CEP164: variants seen among roughly 807,000 people sequenced by gnomAD.
CEP164 encodes centrosomal protein 164.
CEP164 carries 162 observed loss-of-function variants against 182.7 expected under a neutral mutation model. That is an observed-to-expected ratio of 0.89 (90% confidence interval 0.78 to 1.01). The LOEUF is 1.01. Ranked by LOEUF, CEP164 falls within the 50% of genes least tolerant of loss-of-function variation. The pLI is 0.00. For missense variants in CEP164, 1,735 were observed against 1,790.4 expected, an observed-to-expected ratio of 0.97 and a Z score of 0.56; for synonymous variants, 661 against 690.0, an observed-to-expected ratio of 0.96 and a Z score of 0.66.
At chr11:117,396,361 G>A (rs1314973353) in intron 25 of CEP164, among the ~76,000 whole-genome samples, 181 bp downstream of exon 25, 2 of 152,142 alleles carry the variant, frequency 1.3e-5, no homozygotes, top group Non-Finnish European at 2.9e-5. Context: ...TTCTCTATGG[G>A]ACCTGGTCTG....
intron 14 of CEP164, chr11:117,386,998 G>A: frequency 1.7e-6 from 1 of 578,986 alleles, no homozygotes; most frequent in East Asian, 2.9e-5. Flanking sequence ...AGGCTCTTGG[G>A]GCCTTAAACA....
chr11:117,382,983 C>T (rs760941597), intron 14 of CEP164, 41 bp downstream of exon 14: 16 of 1,591,364 alleles, frequency 1.0e-5, no homozygotes, highest in East Asian at 4.5e-5. Context: ...ACCTCCACTG[C>T]GTGTGGGCTG....
Position 117,387,380 on chromosome 11 carries a change from C to T in CEP164, c.1902C>T (p.Leu634=). ...GCCAAGAGGAGGAAGAGGAGATCCT[C>T]CGGCTTCACCAGCAGAAAGAGCAAT... ...KLCQEEEEEI[L]RLHQQKEQSL... is the part of the protein sequence containing the mutation. The change falls in exon 15 of 33, where the codon CTC becomes CTT. Residue 634 remains leucine, a synonymous_variant. Coordinates refer to ENST00000278935, the MANE Select transcript of CEP164 (RefSeq NM_014956.5). 1 of 1,614,134 alleles carries T rather than the reference C, an allele frequency of 6.2e-7. No individual in the cohort carries two copies. Among genetic ancestry groups the T allele is most frequent in the Non-Finnish European group, 8.5e-7 (1 of 1,180,024 alleles).
intron 5 of CEP164, chr11:117,356,253 A>G: frequency 9.1e-7 from 1 of 1,102,796 alleles, no homozygotes; most frequent in Non-Finnish European, 1.1e-6. Context: ...TTCTACCAGC[A>G]CATCCTGCAG....
chr11:117,348,263 C>T (rs1038809562), intron 4 of CEP164, among the ~76,000 whole-genome samples: 13 of 151,988 alleles, frequency 8.6e-5, no homozygotes, highest in African/African-American at 1.2e-4. Context: ...TGAGCCACAG[C>T]GCCCAGCCTA....
At chr11:117,395,314 C>A (rs2045293590) in intron 23 of CEP164, 123 bp downstream of exon 23, 8 of 1,235,716 alleles carry the variant, frequency 6.5e-6, no homozygotes, top group Non-Finnish European at 9.2e-6. Context: ...CTCTGTTGGC[C>A]AGTATTCCAC....
intron 5 of CEP164, 76 bp from the exon 6 acceptor site, chr11:117,361,754 GTTTTA>G (rs1186753889): frequency 1.4e-6 from 2 of 1,468,042 alleles, no homozygotes; most frequent in African/African-American, 2.8e-5. Flanking sequence ...GGATTTAGAT[GTTTTA>G]TTTTTATATC....
At position 117,408,914 on chromosome 11, in the gene CEP164, G is replaced by C. The variant is rs1214021967; in HGVS notation, c.3634G>C (p.Gly1212Arg). ...GGCCTCAGATGAGGGCACTCTGGGA[G>C]GATCCCCCACCAAGAAGGCAGTAAC... ...EEASDEGTLG[G>R]SPTKKAVTFD... The change falls in exon 29 of 33, where the codon GGA (glycine) becomes CGA (arginine). Residue 1212 changes from glycine (G) to arginine (R), a missense_variant. Gly to Arg is a moderately radical substitution (Grantham distance 125). Coordinates refer to ENST00000278935, the MANE Select transcript of CEP164 (RefSeq NM_014956.5). The C allele has an allele frequency of 1.9e-6, 3 of 1,614,054 alleles. No individual in the cohort carries two copies. Among genetic ancestry groups the C allele is most frequent in the Non-Finnish European group, 2.5e-6 (3 of 1,180,028 alleles).
intron 14 of CEP164, among the ~76,000 whole-genome samples, chr11:117,383,162 C>T (rs1437583851): frequency 2.6e-5 from 4 of 152,142 alleles, no homozygotes; most frequent in African/African-American, 7.2e-5. Context: ...TCTGGGGCTC[C>T]TGGTCAGGAC....
chr11:117,342,095 A>T (rs879811359), intron 3 of CEP164, among the ~76,000 whole-genome samples: 3 of 151,902 alleles, frequency 2.0e-5, no homozygotes, highest in Non-Finnish European at 2.9e-5. Flanking sequence ...TTTTTTGTAT[A>T]TTTATCTGTT....
chr11:117,342,107 A>G (rs2038212504), intron 3 of CEP164, among the ~76,000 whole-genome samples: 1 of 152,032 alleles, frequency 6.6e-6, no homozygotes, highest in African/African-American at 2.4e-5. Context: ...TTATCTGTTT[A>G]CTTCATTGCT....
At chr11:117,334,784 CAAAAA>C (rs5795074) in intron 1 of CEP164, among the ~76,000 whole-genome samples, 9 of 102,980 alleles carry the variant, frequency 8.7e-5, no homozygotes, top group East Asian at 2.6e-4. Context: ...GACTTCGTTT[CAAAAA>C]AAAAAAAAAA....
Position 117,361,853 on chromosome 11 carries a change from G to A in CEP164, c.412G>A (p.Ala138Thr), listed in dbSNP as rs908786819. The A allele has an allele frequency of 3.3e-5, 53 of 1,614,106 alleles. No individual in the cohort carries two copies. The highest frequency in any genetic ancestry group is 4.5e-5 in the Non-Finnish European group (53 of 1,180,048). The change falls in exon 6 of 33, where the codon GCC (alanine) becomes ACC (threonine). Residue 138 changes from alanine to threonine, a missense_variant. Physicochemically the swap from Ala to Thr is moderately conservative, Grantham distance 58. Coordinates refer to ENST00000278935, the MANE Select transcript of CEP164 (RefSeq NM_014956.5). ...KSSLALGSSL[A>T]PVHVPLGGLA... ...TGCACAGGCCTTGGGTTCCTCATTA[G>A]CCCCAGTTCATGTTCCTCTTGGGGG... is the stretch of plus-strand genomic sequence containing the variant.
chr11:117,348,094 C>T (rs545099133), intron 4 of CEP164, among the ~76,000 whole-genome samples: 6 of 152,040 alleles, frequency 3.9e-5, no homozygotes, highest in South Asian at 2.1e-4. Flanking sequence ...CTCAGCTTCC[C>T]GAGTAGCTGG....
chr11:117,404,156 A>C (rs1041238261), intron 27 of CEP164, among the ~76,000 whole-genome samples: 8 of 152,110 alleles, frequency 5.3e-5, no homozygotes, highest in African/African-American at 1.9e-4. Flanking sequence ...TATTTCTGTC[A>C]GTTCGTCAAA....
rs879384646 is a variant in CEP164, at chr11:117,388,932, A to AT, written c.1934+1533dup. ...AGGCGCCTGCCACCATGCCTGGCTA[A>AT]TTTTTTTTTTTTTATTTTTAGTAGA... is the stretch of plus-strand genomic sequence containing the variant. On this transcript the variant is annotated intron_variant, in intron 15 of 32. Transcript: ENST00000278935. 6.8e-3 allele frequency among the ~76,000 whole-genome samples: 990 copies of AT among 145,400 alleles called. 13 individuals are homozygous for AT. The highest frequency in any genetic ancestry group is 0.023 in the African/African-American group (909 of 39,814).
upstream of CEP164, among the ~76,000 whole-genome samples, chr11:117,323,440 G>T (rs1022493623): frequency 2.0e-5 from 3 of 151,150 alleles, no homozygotes; most frequent in African/African-American, 7.3e-5. Context: ...TTTTTTTTAT[G>T]GCTGAATGTT....
At position 117,394,480 on chromosome 11, in the gene CEP164, G is replaced by A. The variant is rs748681315; in HGVS notation, c.2747G>A (p.Arg916Gln). Residue 916 changes from arginine (R) to glutamine (Q), a missense_variant, in exon 21 of 33, where the codon CGG (arginine) becomes CAG (glutamine). Physicochemically the swap from Arg to Gln is conservative, Grantham distance 43 (BLOSUM62 1). Transcript: ENST00000278935. The surrounding 1 kb of genome is among the most constrained non-coding windows in gnomAD (Gnocchi z 4.0). ...AAGCGTCTTGAGGACTTGCGGCGCCGGCACAGGGAGCAGGTGAGGGGCCTG... is the reference window on the plus strand; with the variant it reads ...AAGCGTCTTGAGGACTTGCGGCGCCAGCACAGGGAGCAGGTGAGGGGCCTG... The part of the protein sequence containing the change: ...QHKRLEDLRR[R>Q]HREQERKLQD... 28 of 1,613,738 alleles carry A rather than the reference G, an allele frequency of 1.7e-5. No homozygotes were observed. Among genetic ancestry groups the A allele is most frequent in the East Asian group, 8.9e-5 (4 of 44,900 alleles).
At chr11:117,337,502 C>T (rs939397385) in intron 2 of CEP164, among the ~76,000 whole-genome samples, 2 of 97,250 alleles carry the variant, frequency 2.1e-5, no homozygotes, top group African/African-American at 8.4e-5. Context: ...AGTGAGACAC[C>T]ATCTCTGTAA....
Sources: gnomAD v4.1 joint callset for allele counts (sites outside exome capture counted in the v4.1 genomes callset) on GRCh38, gnomAD v4.1.1 for gene constraint, Gnocchi (gnomAD v3.1) non-coding constraint, MANE v1.5 for transcripts, NCBI Gene and HGNC (gene_info 2026-07-23, HGNC 2026-07-21) for gene names.